Variants in COX7B2 observed in about 807,000 individuals in gnomAD.
COX7B2 encodes the protein cytochrome c oxidase subunit 7B2, mitochondrial.
For missense variants in COX7B2, 109 were observed against 95.9 expected (o/e 1.14, Z -0.57); for synonymous variants, 37 against 32.1 (o/e 1.15, Z -0.51).
intron 2 of COX7B2, among the ~76,000 whole-genome samples, chr4:46,790,904 T>A (rs1348980954): frequency 1.3e-5 from 2 of 152,234 alleles, no homozygotes; most frequent in African/African-American, 4.8e-5. Context: ...GAGAGTGAAA[T>A]TTTACTGTAA....
intron 2 of COX7B2, among the ~76,000 whole-genome samples, chr4:46,754,315 A>C (rs1021395864): frequency 2.6e-5 from 4 of 151,292 alleles, no homozygotes; most frequent in Non-Finnish European, 5.9e-5. Flanking sequence ...AACCAACCCA[A>C]ATGTCCAACA....
chr4:46,827,749 T>C (rs1220295888), intron 2 of COX7B2, among the ~76,000 whole-genome samples: 3 of 152,174 alleles, frequency 2.0e-5, no homozygotes, highest in Admixed American at 2.0e-4. Flanking sequence ...ATATATAGTG[T>C]ATGTGTGAAT....
intron 2 of COX7B2, among the ~76,000 whole-genome samples, chr4:46,741,377 C>T (rs183861454): frequency 3.3e-5 from 5 of 152,124 alleles, no homozygotes; most frequent in African/African-American, 1.2e-4. Context: ...TACCTCTACC[C>T]ACTAAATAAC....
intron 2 of COX7B2, among the ~76,000 whole-genome samples, chr4:46,843,672 T>C (rs1233760876): frequency 6.6e-6 from 1 of 152,024 alleles, no homozygotes; most frequent in Non-Finnish European, 1.5e-5. Flanking sequence ...CAGTTCACAA[T>C]TGTAGTTCTG....
chr4:46,757,878 C>T (rs1320784053), intron 2 of COX7B2, among the ~76,000 whole-genome samples: 1 of 152,102 alleles, frequency 6.6e-6, no homozygotes, highest in Non-Finnish European at 1.5e-5. Context: ...ACACAAGGCC[C>T]TGAGGCAGAA....
At chr4:46,827,603 A>C (rs1416101242) in intron 2 of COX7B2, among the ~76,000 whole-genome samples, 1 of 152,188 alleles carries the variant, frequency 6.6e-6, no homozygotes, top group Non-Finnish European at 1.5e-5. Flanking sequence ...TTGTGTCTTT[A>C]AAATATGAGC....
At chr4:46,750,815 T>C (rs963411646) in intron 2 of COX7B2, among the ~76,000 whole-genome samples, 2 of 152,182 alleles carry the variant, frequency 1.3e-5, no homozygotes, top group Admixed American at 6.5e-5. Context: ...TGTCCTCAAA[T>C]AGTGGAAAGA....
chr4:46,751,688 A>G (rs28586953), intron 2 of COX7B2, among the ~76,000 whole-genome samples: 49,718 of 151,824 alleles, frequency 0.33, 8,405 homozygotes, highest in South Asian at 0.47. Flanking sequence ...GTGATTTTAT[A>G]TTAGGTGGGC....
chr4:46,786,282 C>G (rs1464332634), intron 2 of COX7B2, among the ~76,000 whole-genome samples: 1 of 152,156 alleles, frequency 6.6e-6, no homozygotes, highest in Non-Finnish European at 1.5e-5. Flanking sequence ...TATCAAAATT[C>G]TGATGATACT....
chr4:46,755,043 A>C (rs1358600713), intron 2 of COX7B2, among the ~76,000 whole-genome samples: 2 of 151,856 alleles, frequency 1.3e-5, no homozygotes, highest in East Asian at 1.9e-4. Flanking sequence ...TCCTCAACAC[A>C]ATACTAGCAA....
chr4:46,782,116 G>T (rs943262466), intron 2 of COX7B2, among the ~76,000 whole-genome samples: 1 of 152,174 alleles, frequency 6.6e-6, no homozygotes, highest in African/African-American at 2.4e-5. Context: ...AAGCCAGCTG[G>T]GCTCCTGAAT....
chr4:46,888,681 C>T (rs1719239609), intron 1 of COX7B2, among the ~76,000 whole-genome samples: 6 of 152,084 alleles, frequency 3.9e-5, no homozygotes, highest in Admixed American at 3.3e-4. Context: ...CTCCTGACCT[C>T]GTGATCCTCC....
At chr4:46,881,082 GT>G (rs1421612454) in intron 1 of COX7B2, among the ~76,000 whole-genome samples, 3 of 143,046 alleles carry the variant, frequency 2.1e-5, no homozygotes, top group Non-Finnish European at 3.1e-5. Context: ...TCTAATTTTT[GT>G]TATTTCTTGT....
chr4:46,853,442 C>G (rs968411540), intron 1 of COX7B2, among the ~76,000 whole-genome samples: 1 of 152,084 alleles, frequency 6.6e-6, no homozygotes, highest in Non-Finnish European at 1.5e-5. Flanking sequence ...TATACATAAA[C>G]ATTTTAGAAA....
chr4:46,856,130 G>T (rs999218492), intron 1 of COX7B2, among the ~76,000 whole-genome samples: 1 of 152,038 alleles, frequency 6.6e-6, no homozygotes, highest in African/African-American at 2.4e-5. Flanking sequence ...TGTAATCCCA[G>T]CTACTTGGGT....
At position 46,781,293 on chromosome 4, in the gene COX7B2, C is replaced by T. The variant is rs73813568; in HGVS notation, c.-49-46052G>A. On this transcript the variant is annotated intron_variant, in intron 2 of 2. Coordinates refer to ENST00000355591, the MANE Select transcript of COX7B2 (RefSeq NM_130902.3). ...GACCCCTTCCCACTCTGATCACAAA[C>T]GTGAGCACACTACCCAAACTAAGTC... Among the ~76,000 whole-genome samples the T allele has an allele frequency of 2.3e-3, 345 of 152,272 alleles. 2 individuals carry two copies. Among genetic ancestry groups the T allele is most frequent in the African/African-American group, 7.8e-3 (326 of 41,552 alleles).
intron 2 of COX7B2, among the ~76,000 whole-genome samples, chr4:46,797,092 TAAAAAAAAA>T (rs762801656): frequency 3.4e-4 from 21 of 62,564 alleles, no homozygotes; most frequent in African/African-American, 1.9e-3. Flanking sequence ...TAGAGTATAA[TAAAAAAAAA>T]AAAAAAAAAA....
chr4:46,899,049 G>T (rs1719930410), intron 1 of COX7B2, among the ~76,000 whole-genome samples: 2 of 152,020 alleles, frequency 1.3e-5, no homozygotes, highest in African/African-American at 2.4e-5. Flanking sequence ...AATGATCTTA[G>T]TTTTTATCAA....
intron 2 of COX7B2, among the ~76,000 whole-genome samples, chr4:46,815,958 A>G (rs1260140834): frequency 6.6e-6 from 1 of 152,208 alleles, no homozygotes; most frequent in African/African-American, 2.4e-5. Context: ...CAAGAGGACC[A>G]CAAACACTCC....
Sources: gnomAD v4.1 joint callset for allele counts (sites outside exome capture counted in the v4.1 genomes callset) on GRCh38, gnomAD v4.1.1 for gene constraint, MANE v1.5 for transcripts, NCBI Gene and HGNC (gene_info 2026-07-23, HGNC 2026-07-21) for gene names.